ACSF3: variants seen among roughly 807,000 people sequenced by gnomAD.
ACSF3 encodes malonate--CoA ligase ACSF3, mitochondrial.
Under a neutral mutation model 53.2 loss-of-function variants are expected in ACSF3, and 78 were observed. The observed-to-expected ratio is 1.47, with a 90% CI of 1.22 to 1.77. The LOEUF (loss-of-function observed/expected upper bound fraction) is 1.77. Ranked by LOEUF, ACSF3 falls within the 40% of genes most tolerant of loss-of-function variation. ACSF3 has a pLI of 0.00. For missense variants in ACSF3, 937 were observed against 771.1 expected, an observed-to-expected ratio of 1.22 and a Z score of -2.55; for synonymous variants, 414 against 333.1, an observed-to-expected ratio of 1.24 and a Z score of -2.65.
chr16:89,120,772 T>C (rs1291879936), intron 6 of ACSF3, 29 bp from the exon 7 acceptor site: 1 of 1,602,948 alleles, frequency 6.2e-7, no homozygotes, highest in African/African-American at 1.3e-5. Context: ...CACTCCAGCC[T>C]CCCCTTCAGT....
At chr16:89,137,007 A>G (rs189660111) in intron 8 of ACSF3, among the ~76,000 whole-genome samples, 7 of 152,352 alleles carry the variant, frequency 4.6e-5, no homozygotes, top group African/African-American at 1.7e-4. Context: ...TCAGAGACAC[A>G]CGCGCACATT....
chr16:89,095,742 G>A (rs1055597624), intron 1 of ACSF3, among the ~76,000 whole-genome samples: 2 of 152,240 alleles, frequency 1.3e-5, no homozygotes, highest in African/African-American at 4.8e-5. Context: ...ACCCTGCTGA[G>A]CACGGCGCGG....
intron 6 of ACSF3, among the ~76,000 whole-genome samples, chr16:89,116,356 A>G (rs562025196): frequency 1.3e-5 from 2 of 152,158 alleles, no homozygotes; most frequent in Admixed American, 1.3e-4. Flanking sequence ...AAGCGTGGAC[A>G]TGGGGGTTCA....
intron 8 of ACSF3, among the ~76,000 whole-genome samples, chr16:89,135,398 G>C (rs1268846890): frequency 6.6e-6 from 1 of 152,252 alleles, no homozygotes; most frequent in Non-Finnish European, 1.5e-5. Context: ...GTGTGTGGCA[G>C]TTCCGCACGT....
chr16:89,141,266 C>A, intron 8 of ACSF3: 3 of 1,287,272 alleles, frequency 2.3e-6, no homozygotes, highest in Non-Finnish European at 2.0e-6. Context: ...GGCAAAGGCA[C>A]AGCAAGGCGG....
At chr16:89,143,657 G>A (rs1478336973) in intron 8 of ACSF3, among the ~76,000 whole-genome samples, 4 of 152,078 alleles carry the variant, frequency 2.6e-5, no homozygotes, top group African/African-American at 4.8e-5. Flanking sequence ...GTCCAACCCC[G>A]CCCACAGCCC....
intron 7 of ACSF3, among the ~76,000 whole-genome samples, chr16:89,129,722 TC>T (rs1769268546): frequency 6.6e-6 from 1 of 152,258 alleles, no homozygotes; most frequent in African/African-American, 2.4e-5. Context: ...GGTTATTTTT[TC>T]ATATTCCATT....
chr16:89,105,933 G>C (rs963649502), intron 4 of ACSF3, among the ~76,000 whole-genome samples: 63 of 152,376 alleles, frequency 4.1e-4, no homozygotes, highest in African/African-American at 1.5e-3. Flanking sequence ...TCAAGGATCT[G>C]GGCTTTCTGG....
chr16:89,095,187 C>G (rs1974468859), intron 1 of ACSF3: 1 of 152,232 alleles, frequency 6.6e-6, no homozygotes, highest in African/African-American at 2.4e-5. Flanking sequence ...CTGGTGTCCT[C>G]TCCGCAGGTG....
intron 7 of ACSF3, among the ~76,000 whole-genome samples, chr16:89,127,167 G>A (rs144222455): frequency 2.0e-5 from 3 of 152,146 alleles, no homozygotes; most frequent in East Asian, 1.9e-4. Flanking sequence ...AGAAATTTTG[G>A]TCTGTAGTTT....
intron 8 of ACSF3, among the ~76,000 whole-genome samples, chr16:89,144,352 C>T (rs1277127837): frequency 2.6e-5 from 4 of 152,374 alleles, no homozygotes; most frequent in South Asian, 2.1e-4. Context: ...GGGGCAGCCC[C>T]GGCCATTGTT....
chr16:89,118,087 C>G (rs1247200828), intron 6 of ACSF3, among the ~76,000 whole-genome samples: 1 of 149,476 alleles, frequency 6.7e-6, no homozygotes, highest in East Asian at 2.0e-4. Context: ...CGGGGACGCT[C>G]TCTCTTCTCT....
chr16:89,117,110 C>T (rs909981669), intron 6 of ACSF3, among the ~76,000 whole-genome samples: 3 of 152,160 alleles, frequency 2.0e-5, no homozygotes, highest in East Asian at 1.9e-4. Flanking sequence ...GAAAGGGTAA[C>T]GGGCTCTGGG....
chr16:89,134,604 C>T (rs1598047240), intron 8 of ACSF3, among the ~76,000 whole-genome samples: 1 of 152,200 alleles, frequency 6.6e-6, no homozygotes, highest in Non-Finnish European at 1.5e-5. Context: ...GAAAACAGAG[C>T]TCCCATACAA....
At chr16:89,148,833 C>T (rs1913589137) in intron 10 of ACSF3, 1 of 152,212 alleles carries the variant, frequency 6.6e-6, no homozygotes, top group Non-Finnish European at 1.5e-5. Context: ...CCGAGGCCTC[C>T]AGGCCTATGA....
At position 89,100,803 on chromosome 16, in the gene ACSF3, A is replaced by G. The variant is rs545886514; in HGVS notation, c.122A>G (p.Asp41Gly). 1 of 1,612,664 alleles carries G rather than the reference A, an allele frequency of 6.2e-7. No homozygotes were observed. Residue 41 changes from aspartate to glycine, a missense_variant, in exon 3 of 11, where the codon GAC becomes GGC. Asp to Gly is a moderately conservative substitution (Grantham distance 94). Transcript: ENST00000614302. ...CACACAGCCCCAGTGGCCCGCTCGGACAGGAGCGCCCCGGTGTTCACCCGT... is the reference window on the plus strand; with the variant it reads ...CACACAGCCCCAGTGGCCCGCTCGGGCAGGAGCGCCCCGGTGTTCACCCGT... Reference protein sequence around the residue: ...LLHTAPVARSDRSAPVFTRAL... With the variant: ...LLHTAPVARSGRSAPVFTRAL...
At chr16:89,122,338 GC>G in intron 7 of ACSF3, 1 of 384,890 alleles carries the variant, frequency 2.6e-6, no homozygotes, top group Non-Finnish European at 5.3e-6. Context: ...CTGGGTGGCT[GC>G]CCCTTGCTAT....
intron 10 of ACSF3, chr16:89,153,277 C>G (rs1914325194): frequency 6.5e-6 from 1 of 153,076 alleles, no homozygotes; most frequent in African/African-American, 2.4e-5. Context: ...GGCGGCACAA[C>G]CATCCTCCCT....
intron 10 of ACSF3, chr16:89,151,670 G>T (rs973843975): frequency 1.7e-5 from 3 of 178,340 alleles, no homozygotes; most frequent in Admixed American, 5.8e-5. Flanking sequence ...GCAGTGGCAC[G>T]ATCTCCGCTC....
Sources: gnomAD v4.1 joint callset for allele counts (sites outside exome capture counted in the v4.1 genomes callset) on GRCh38, gnomAD v4.1.1 for gene constraint, MANE v1.5 for transcripts, NCBI Gene and HGNC (gene_info 2026-07-23, HGNC 2026-07-21) for gene names.